The following LRP1B variants were observed in gnomAD, a reference collection of about 807,000 sequenced individuals.
LRP1B encodes the protein LDL receptor related protein 1B.
LRP1B carries 217 observed loss-of-function variants against 556.6 expected under a neutral mutation model. The ratio of observed to expected loss-of-function variants is 0.39; its 90% CI spans 0.35 to 0.44. The LOEUF (loss-of-function observed/expected upper bound fraction) is 0.44, where lower values mean the gene tolerates loss of function less well. LRP1B is among the 20% of genes least tolerant of loss of function. LRP1B has a pLI of 1.00. For missense variants in LRP1B, 5,053 were observed against 5,620.8 expected, an observed-to-expected ratio of 0.90 and a Z score of 3.23; for synonymous variants, 2,047 against 1,865.8, an observed-to-expected ratio of 1.10 and a Z score of -2.50.
At chr2:141,129,351 A>G (rs62173725) in intron 7 of LRP1B, among the ~76,000 whole-genome samples, 11,961 of 152,194 alleles carry the variant, frequency 0.079, 615 homozygotes, top group Middle Eastern at 0.19. Flanking sequence ...GAACCGAATG[A>G]CCCTTTCAAG....
chr2:140,367,403 A>T (rs1005537216), intron 71 of LRP1B, among the ~76,000 whole-genome samples: 1 of 151,760 alleles, frequency 6.6e-6, no homozygotes, highest in Non-Finnish European at 1.5e-5. Context: ...TCTGAGAACC[A>T]CCAAACTAAG....
In LRP1B at chr2:141,005,399, T is replaced by G. The variant is rs763972579; in HGVS notation, c.2439A>C (p.Pro813=). Residue 813 remains proline (P), a synonymous_variant, in exon 15 of 91, where the codon CCA becomes CCC. Transcript: ENST00000389484. Reference sequence around the variant, plus strand: ...CGGCACAAGCACACACCCGGCCTCCTGGGATAGCCAAGCAAAGTGTACTAC... The same window carrying G: ...CGGCACAAGCACACACCCGGCCTCCGGGGATAGCCAAGCAAAGTGTACTAC... ...GGCSTLCLAI[P]GGRVCACADN... is the part of the protein sequence containing the mutation. 4 of 1,611,502 alleles carry G rather than the reference T, an allele frequency of 2.5e-6. No individual in the cohort carries two copies. In the Admixed American group the frequency reaches 6.7e-5, roughly 27 times the overall value.
At chr2:140,802,384 G>T (rs1690547089) in intron 32 of LRP1B, among the ~76,000 whole-genome samples, 1 of 152,060 alleles carries the variant, frequency 6.6e-6, no homozygotes. Flanking sequence ...CTTGTTTACA[G>T]GTATCTGAAC....
At chr2:141,999,519 A>G (rs1007086139) in intron 1 of LRP1B, among the ~76,000 whole-genome samples, 4 of 152,154 alleles carry the variant, frequency 2.6e-5, no homozygotes, top group African/African-American at 9.6e-5. Flanking sequence ...GTTTAATTTT[A>G]TTGAATTTTG....
chr2:141,715,481 T>A (rs1414028008), intron 2 of LRP1B, among the ~76,000 whole-genome samples: 2 of 151,740 alleles, frequency 1.3e-5, no homozygotes, highest in Admixed American at 1.3e-4. Flanking sequence ...AAAATAAATA[T>A]ATTAATAAAG....
Position 140,769,270 on chromosome 2 carries a change from C to A in LRP1B, c.5701G>T (p.Asp1901Tyr), listed in dbSNP as rs2104934635. ...GTTCCTGATATAGGCATCAAAGCATCCATTTTGTCACTTGGTTCAAGAGGT... is the reference window on the plus strand; with the variant it reads ...GTTCCTGATATAGGCATCAAAGCATACATTTTGTCACTTGGTTCAAGAGGT... ...GIPLEPSDKMDALMPISGTSF... is the reference protein window; with the variant it reads ...GIPLEPSDKMYALMPISGTSF... The change falls in exon 35 of 91, where the codon GAT (aspartate) becomes TAT (tyrosine). Residue 1901 changes from aspartate (D) to tyrosine (Y), a missense_variant. Asp to Tyr is a radical substitution (Grantham distance 160). Coordinates refer to ENST00000389484, the MANE Select transcript of LRP1B (RefSeq NM_018557.3). 6.2e-7 allele frequency: 1 copy of A among 1,612,236 alleles called. No individual in the cohort carries two copies. Among genetic ancestry groups the A allele is most frequent in the South Asian group, 1.1e-5 (1 of 91,040 alleles).
rs1325111301 is a variant in LRP1B, at chr2:140,456,609, G to T, written c.9815-6C>A. On this transcript the variant is annotated splice_region_variant and splice_polypyrimidine_tract_variant and intron_variant, in intron 61 of 90. Coordinates refer to ENST00000389484, the MANE Select transcript of LRP1B (RefSeq NM_018557.3). Reference sequence around the variant, plus strand: ...CATGCAGAGATGTTTGGAGACTAAAGATAAGAAAGAAACAACAACAACAAA... The same window carrying T: ...CATGCAGAGATGTTTGGAGACTAAATATAAGAAAGAAACAACAACAACAAA... 4 of 1,602,662 alleles carry T rather than the reference G, an allele frequency of 2.5e-6. No homozygotes were observed. Among genetic ancestry groups the T allele is most frequent in the Non-Finnish European group, 3.4e-6 (4 of 1,174,188 alleles).
chr2:141,943,100 A>G (rs1438233208), intron 1 of LRP1B, among the ~76,000 whole-genome samples: 2 of 152,266 alleles, frequency 1.3e-5, no homozygotes, highest in East Asian at 3.8e-4. Flanking sequence ...AAAGTTGTGT[A>G]GCTTTGTAAT....
intron 3 of LRP1B, among the ~76,000 whole-genome samples, chr2:141,388,041 T>C (rs1178353737): frequency 6.6e-6 from 1 of 152,202 alleles, no homozygotes; most frequent in Non-Finnish European, 1.5e-5. Flanking sequence ...CAATGAAATA[T>C]GTTTTATTAA....
chr2:141,116,305 TA>T (rs1339087639), intron 7 of LRP1B, among the ~76,000 whole-genome samples: 1 of 152,198 alleles, frequency 6.6e-6, no homozygotes, highest in Non-Finnish European at 1.5e-5. Context: ...GAAAATGAAT[TA>T]AAATTTGTAA....
intron 25 of LRP1B, among the ~76,000 whole-genome samples, chr2:140,879,789 A>G (rs1693415768): frequency 6.6e-6 from 1 of 152,094 alleles, no homozygotes; most frequent in African/African-American, 2.4e-5. Context: ...AAAAAAAGAA[A>G]CTACAGTCTA....
intron 2 of LRP1B, among the ~76,000 whole-genome samples, chr2:141,506,747 A>AT (rs1683947986): frequency 2.0e-5 from 3 of 151,738 alleles, no homozygotes; most frequent in South Asian, 2.1e-4. Flanking sequence ...GAAAAAAAAA[A>AT]TTTACTTCTC....
At position 140,640,464 on chromosome 2, in the gene LRP1B, C is replaced by T. The variant is rs530756927; in HGVS notation, c.6800-38825G>A. On this transcript the variant is annotated intron_variant, in intron 41 of 90. Transcript: ENST00000389484. ...AGGCTGGAGTGCAGTGGCGCGATCT[C>T]GGCTCACTGCAAGCTCCGCCTCCCG... Among the ~76,000 whole-genome samples the T allele has an allele frequency of 2.9e-3, 343 of 116,544 alleles. 3 individuals are homozygous for T. The highest frequency in any genetic ancestry group is 0.011 in the African/African-American group (321 of 30,306). The allele number at this position is 116,544 out of a possible 152,430, so 76.5% of individuals were successfully genotyped here.
chr2:141,279,897 C>T (rs1043194263), intron 3 of LRP1B, among the ~76,000 whole-genome samples: 1 of 152,016 alleles, frequency 6.6e-6, no homozygotes, highest in African/African-American at 2.4e-5. Flanking sequence ...GCAAGCTAGT[C>T]ACTGTCAATA....
At chr2:141,136,186 G>C (rs1200822898) in intron 7 of LRP1B, among the ~76,000 whole-genome samples, 2 of 151,858 alleles carry the variant, frequency 1.3e-5, no homozygotes, top group African/African-American at 4.8e-5. Context: ...TAGACATTCT[G>C]TGCACTTATA....
At chr2:141,078,008 T>C (rs1699834124) in intron 7 of LRP1B, among the ~76,000 whole-genome samples, 1 of 151,770 alleles carries the variant, frequency 6.6e-6, no homozygotes, top group Non-Finnish European at 1.5e-5. Flanking sequence ...AAATGAAATT[T>C]GAGCCATTAA....
chr2:140,549,386 C>T (rs12053150), intron 43 of LRP1B, among the ~76,000 whole-genome samples: 69,526 of 151,984 alleles, frequency 0.46, 16,545 homozygotes, highest in South Asian at 0.59. Context: ...CTTTCCTTTT[C>T]TACCTTACAA....
intron 87 of LRP1B, among the ~76,000 whole-genome samples, chr2:140,242,607 C>T (rs998422471): frequency 6.6e-6 from 1 of 150,904 alleles, no homozygotes; most frequent in African/African-American, 2.4e-5. Flanking sequence ...AGCATGAATG[C>T]TGTATTAGGA....
intron 83 of LRP1B, among the ~76,000 whole-genome samples, chr2:140,309,376 TAAGATTG>T (rs1684200255): frequency 6.6e-6 from 1 of 151,838 alleles, no homozygotes; most frequent in South Asian, 2.1e-4. Flanking sequence ...ATTGTGGAAA[TAAGATTG>T]AAGCATTTTT....
Sources: allele counts gnomAD v4.1 joint callset (sites outside exome capture counted in the v4.1 genomes callset), GRCh38; gene constraint gnomAD v4.1.1; transcripts MANE v1.5; gene names NCBI Gene and HGNC (gene_info 2026-07-23, HGNC 2026-07-21).